Variants in MRE11 observed in about 807,000 individuals in gnomAD.
The protein encoded by MRE11 is double-strand break repair protein MRE11.
A neutral mutation model predicts 91.7 loss-of-function variants in MRE11; 62 were observed. That is an observed-to-expected ratio of 0.68 (90% CI 0.55 to 0.84). The LOEUF (loss-of-function observed/expected upper bound fraction) is 0.84. Ranked by LOEUF, MRE11 falls within the 40% of genes least tolerant of loss-of-function variation. The pLI, the probability that MRE11 is intolerant of heterozygous loss-of-function variation, is 0.00. For synonymous variants in MRE11, 273 were observed against 271.4 expected (o/e 1.01, Z -0.06); for missense variants, 796 against 852.9 (o/e 0.93, Z 0.83).
intron 14 of MRE11, among the ~76,000 whole-genome samples, chr11:94,448,630 C>T (rs190488162): frequency 2.3e-4 from 35 of 151,374 alleles, no homozygotes; most frequent in African/African-American, 8.2e-4. Context: ...TGAAAAGAAA[C>T]GGAAGAATTA....
intron 4 of MRE11, chr11:94,483,974 T>C (rs1327595272): frequency 6.6e-6 from 1 of 152,160 alleles, no homozygotes; most frequent in Non-Finnish European, 1.5e-5. Context: ...ACAATAGTAA[T>C]GTGCACATGT....
chr11:94,466,808 A>G (rs761905715), intron 10 of MRE11, among the ~76,000 whole-genome samples: 2 of 152,232 alleles, frequency 1.3e-5, no homozygotes, highest in Non-Finnish European at 2.9e-5. Flanking sequence ...TTTCCCAGGC[A>G]ACAACAACAC....
chr11:94,462,715 C>G (rs1038842569), intron 11 of MRE11, among the ~76,000 whole-genome samples: 6 of 152,186 alleles, frequency 3.9e-5, no homozygotes, highest in Non-Finnish European at 7.3e-5. Context: ...GCTGGGAAAA[C>G]TGGCTAGCCA....
upstream of MRE11, among the ~76,000 whole-genome samples, chr11:94,495,176 T>G (rs1457247237): frequency 6.6e-6 from 1 of 152,202 alleles, no homozygotes; most frequent in Non-Finnish European, 1.5e-5. Context: ...TAATAAAGTT[T>G]AATACCACAT....
chr11:94,500,854 T>A, the MRE11 span, among the ~76,000 whole-genome samples: 29 of 152,256 alleles, frequency 1.9e-4, no homozygotes, highest in African/African-American at 6.7e-4. Flanking sequence ...TGCTGGAAAA[T>A]CATGATCAGA....
chr11:94,511,175 C>T, the MRE11 span, among the ~76,000 whole-genome samples: 2 of 147,328 alleles, frequency 1.4e-5, no homozygotes, highest in East Asian at 3.9e-4. Flanking sequence ...TTGCCTCTCG[C>T]TCTCTCTCTA....
At chr11:94,473,126 G>A (rs1160416763) in intron 7 of MRE11, 3 of 152,092 alleles carry the variant, frequency 2.0e-5, no homozygotes, top group African/African-American at 7.2e-5. Context: ...GTGGGAATGT[G>A]TTCAGTGAAT....
intron 4 of MRE11, among the ~76,000 whole-genome samples, chr11:94,482,416 C>T (rs1947034973): frequency 6.6e-6 from 1 of 152,128 alleles, no homozygotes; most frequent in Non-Finnish European, 1.5e-5. Flanking sequence ...GTAGACTCCT[C>T]AACAGCAACA....
intron 13 of MRE11, among the ~76,000 whole-genome samples, chr11:94,458,061 G>A (rs1946308672): frequency 6.6e-6 from 1 of 152,056 alleles, no homozygotes; most frequent in African/African-American, 2.4e-5. Context: ...AATGGTTTTA[G>A]AGGGTGAACT....
chr11:94,459,713 A>AT (rs2134992703), intron 12 of MRE11, 132 bp from the exon 13 acceptor site: 2 of 997,624 alleles, frequency 2.0e-6, no homozygotes, highest in South Asian at 3.3e-5. Flanking sequence ...AAGCCTACTA[A>AT]TATCAGGAAC....
At chr11:94,465,883 G>A (rs1200687560) in intron 10 of MRE11, among the ~76,000 whole-genome samples, 2 of 152,136 alleles carry the variant, frequency 1.3e-5, no homozygotes, top group African/African-American at 4.8e-5. Flanking sequence ...TACAATCTTG[G>A]CTGTCAAGAA....
chr11:94,464,414 T>C (rs1417121668), intron 10 of MRE11, among the ~76,000 whole-genome samples, 175 bp from the exon 11 acceptor site: 2 of 152,240 alleles, frequency 1.3e-5, no homozygotes, highest in East Asian at 3.8e-4. Flanking sequence ...GAGAAACTAA[T>C]GTTTGAAAAG....
intron 19 of MRE11, among the ~76,000 whole-genome samples, chr11:94,428,994 T>C (rs1244431730): frequency 6.6e-6 from 1 of 151,606 alleles, no homozygotes; most frequent in Non-Finnish European, 1.5e-5. Context: ...AATAAATCAG[T>C]AAGGAAAAAT....
upstream of MRE11, among the ~76,000 whole-genome samples, chr11:94,494,450 G>C (rs1591733547): frequency 2.0e-5 from 3 of 152,300 alleles, no homozygotes; most frequent in South Asian, 6.2e-4. Context: ...AAGGGTCCTT[G>C]ATCTAGGGCA....
At chr11:94,445,087 C>T (rs1340367743) in intron 16 of MRE11, among the ~76,000 whole-genome samples, 1 of 151,992 alleles carries the variant, frequency 6.6e-6, no homozygotes, top group African/African-American at 2.4e-5. Flanking sequence ...AAGGGCCTAG[C>T]CATAATTTCT....
intron 3 of MRE11, 47 bp from the exon 4 acceptor site, chr11:94,486,131 A>T: frequency 6.3e-7 from 1 of 1,596,354 alleles, no homozygotes; most frequent in Non-Finnish European, 8.6e-7. Context: ...TTACAGGTAA[A>T]ATTTTTGTAA....
intron 11 of MRE11, 110 bp from the exon 12 acceptor site, chr11:94,461,146 AGCTTGCTCAACAT>A (rs1351784669): frequency 1.2e-6 from 1 of 826,454 alleles, no homozygotes; most frequent in African/African-American, 1.7e-5. Context: ...AGCAACTGCC[AGCTTGCTCAACAT>A]GGTAAATTTT....
chr11:94,460,838 G>T, intron 12 of MRE11, 98 bp downstream of exon 12: 3 of 970,388 alleles, frequency 3.1e-6, no homozygotes, highest in African/African-American at 1.6e-5. Flanking sequence ...AACATTTTGA[G>T]GATTCATTTT....
chr11:94,462,264 C>T (rs977788276), intron 11 of MRE11, among the ~76,000 whole-genome samples: 6 of 152,054 alleles, frequency 3.9e-5, no homozygotes, highest in Admixed American at 3.9e-4. Flanking sequence ...AACCACTGCT[C>T]AACGAAATAA....
Sources: allele counts gnomAD v4.1 joint callset (sites outside exome capture counted in the v4.1 genomes callset), GRCh38; gene constraint gnomAD v4.1.1; transcripts MANE v1.5; gene names NCBI Gene and HGNC (gene_info 2026-07-23, HGNC 2026-07-21).